The following C12orf56 variants were observed in gnomAD, a reference collection of about 807,000 sequenced individuals.
C12orf56 encodes uncharacterized protein C12orf56.
A neutral mutation model predicts 69.9 loss-of-function variants in C12orf56; 71 were observed. That is an observed-to-expected ratio of 1.02 (90% CI 0.84 to 1.24). The LOEUF is 1.24. Ranked by LOEUF, C12orf56 falls within the 50% of genes most tolerant of loss-of-function variation. C12orf56 has a pLI of 0.00. For missense variants in C12orf56, 732 were observed against 738.5 expected, an observed-to-expected ratio of 0.99 and a Z score of 0.10; for synonymous variants, 276 against 274.1, an observed-to-expected ratio of 1.01 and a Z score of -0.07.
intron 12 of C12orf56, among the ~76,000 whole-genome samples, chr12:64,268,159 A>T (rs1046705394): frequency 1.3e-5 from 2 of 152,224 alleles, no homozygotes; most frequent in Non-Finnish European, 2.9e-5. Flanking sequence ...TGTGAGTTGA[A>T]AACACTAGTT....
chr12:64,310,020 A>T (rs76819827), intron 5 of C12orf56, among the ~76,000 whole-genome samples: 61,018 of 149,586 alleles, frequency 0.41, 12,388 homozygotes, highest in African/African-American at 0.43. Context: ...TTTTTTTTTT[A>T]AATCTCTTTT....
intron 7 of C12orf56, 55 bp downstream of exon 7, chr12:64,285,899 T>C (rs2038193863): frequency 3.3e-6 from 4 of 1,194,306 alleles, no homozygotes; most frequent in Non-Finnish European, 3.5e-6. Context: ...CTTCCATTTA[T>C]CTTTAACACC....
intron 6 of C12orf56, among the ~76,000 whole-genome samples, chr12:64,302,823 G>A (rs1374826179): frequency 6.6e-6 from 1 of 152,106 alleles, no homozygotes; most frequent in Admixed American, 6.6e-5. Context: ...CTTACAGTAG[G>A]GGAAACTGCA....
At chr12:64,286,749 G>GT (rs1022575095) in intron 6 of C12orf56, among the ~76,000 whole-genome samples, 1 of 152,014 alleles carries the variant, frequency 6.6e-6, no homozygotes, top group African/African-American at 2.4e-5. Context: ...TCTATTGTTC[G>GT]TTTTTTCCCC....
chr12:64,377,070 T>C lies in C12orf56; in HGVS notation c.252+13244A>G, dbSNP rs933233169. 2.0e-5 allele frequency among the ~76,000 whole-genome samples: 3 copies of C among 152,302 alleles called. No individual in the cohort carries two copies. The East Asian group carries it at 5.8e-4, about 29-fold the overall frequency. On this transcript the variant is annotated intron_variant, in intron 1 of 12. Coordinates refer to ENST00000543942, the MANE Select transcript of C12orf56 (RefSeq NM_001170633.2). ...AATCACCATTCTAACTGGTGTGAGA[T>C]AGTATCTCACTTTCGTTTGGATTTG...
intron 8 of C12orf56, among the ~76,000 whole-genome samples, chr12:64,278,238 C>T (rs1245864076): frequency 6.6e-6 from 1 of 152,196 alleles, no homozygotes; most frequent in Non-Finnish European, 1.5e-5. Flanking sequence ...CAGGACTTCT[C>T]AGAGGCTTTA....
At chr12:64,320,158 C>A (rs561567121) in intron 3 of C12orf56, among the ~76,000 whole-genome samples, 1 of 152,220 alleles carries the variant, frequency 6.6e-6, no homozygotes, top group South Asian at 2.1e-4. Flanking sequence ...TACTGGGTTA[C>A]GCGGTTCTCT....
intron 1 of C12orf56, among the ~76,000 whole-genome samples, chr12:64,358,318 C>A (rs541178966): frequency 1.7e-4 from 26 of 151,306 alleles, no homozygotes; most frequent in Middle Eastern, 3.4e-3. Context: ...ATTAGCCAGG[C>A]GTGATGGCAT....
intron 2 of C12orf56, among the ~76,000 whole-genome samples, chr12:64,352,601 G>C (rs976668878): frequency 6.6e-6 from 1 of 152,184 alleles, no homozygotes; most frequent in Admixed American, 6.6e-5. Context: ...TTCGAGCCTT[G>C]TGCAGGAGGA....
chr12:64,317,558 G>A (rs539992316), intron 4 of C12orf56, among the ~76,000 whole-genome samples: 1 of 151,996 alleles, frequency 6.6e-6, no homozygotes, highest in Non-Finnish European at 1.5e-5. Context: ...TCGGGAGTTC[G>A]AGACCAGCCT....
intron 1 of C12orf56, among the ~76,000 whole-genome samples, chr12:64,383,016 C>T (rs1235203853): frequency 6.6e-6 from 1 of 151,484 alleles, no homozygotes; most frequent in African/African-American, 2.4e-5. Context: ...TATAGTTAAA[C>T]TTTGAAACTT....
In C12orf56 at chr12:64,275,361, A is replaced by T; in HGVS notation, c.1446T>A (p.Leu482=). 7.2e-7 allele frequency: 1 copy of T among 1,393,558 alleles called. No homozygotes were observed. The highest frequency in any genetic ancestry group is 9.5e-7 in the Non-Finnish European group (1 of 1,050,820). The allele number at this position is 1,393,558 out of a possible 1,614,324, so 86.3% of individuals were successfully genotyped here. A position where few individuals can be genotyped will look rare whatever the true frequency, so the allele number is the denominator to read the frequency against. ...RMSFDAELQK[L]ILEYTNTATA... ...TAGCAGTATTTGTATACTCCAGAAT[A>T]AGCTTCTGTAACTAGAATTTTCAAG... is the stretch of plus-strand genomic sequence containing the variant. Residue 482 remains leucine (L), a synonymous_variant, in exon 10 of 13, where the codon CTT becomes CTA. Coordinates refer to ENST00000543942, the MANE Select transcript of C12orf56 (RefSeq NM_001170633.2).
At chr12:64,277,100 T>TA (rs1469350046) in intron 9 of C12orf56, among the ~76,000 whole-genome samples, 1 of 151,406 alleles carries the variant, frequency 6.6e-6, no homozygotes, top group Non-Finnish European at 1.5e-5. Context: ...TTTCATCCTT[T>TA]AAAAAAAAGT....
At chr12:64,293,807 CA>C (rs1045968313) in intron 6 of C12orf56, among the ~76,000 whole-genome samples, 44 of 152,262 alleles carry the variant, frequency 2.9e-4, no homozygotes, top group African/African-American at 1.1e-3. Flanking sequence ...CTAAGAGAGG[CA>C]AAATGAATCT....
At chr12:64,333,467 CTCTT>C (rs1305089037) in intron 2 of C12orf56, among the ~76,000 whole-genome samples, 2 of 151,290 alleles carry the variant, frequency 1.3e-5, no homozygotes, top group African/African-American at 4.8e-5. Flanking sequence ...ACGTCCCTGC[CTCTT>C]TCTATGTTAG....
chr12:64,389,914 G>A (rs1462522357), intron 1 of C12orf56, among the ~76,000 whole-genome samples: 1 of 152,166 alleles, frequency 6.6e-6, no homozygotes, highest in Non-Finnish European at 1.5e-5. Flanking sequence ...TGGCTTTCTA[G>A]CCCTCCAGCG....
chr12:64,278,135 A>G (rs17100257), intron 8 of C12orf56, among the ~76,000 whole-genome samples: 2,874 of 152,266 alleles, frequency 0.019, 93 homozygotes, highest in African/African-American at 0.065. Context: ...TGGATTGCTA[A>G]TTCCAGACAA....
chr12:64,386,685 C>T (rs1458114921), intron 1 of C12orf56, among the ~76,000 whole-genome samples: 6 of 151,858 alleles, frequency 4.0e-5, no homozygotes, highest in African/African-American at 9.7e-5. Flanking sequence ...AGTGAGCCAC[C>T]GTACCTGGCC....
intron 8 of C12orf56, 108 bp downstream of exon 8, chr12:64,284,556 A>G (rs1029805051): frequency 1.6e-5 from 11 of 674,558 alleles, no homozygotes. Context: ...TATACTTGGA[A>G]GGGTGTTGAA....
Sources: allele counts gnomAD v4.1 joint callset (sites outside exome capture counted in the v4.1 genomes callset), GRCh38; gene constraint gnomAD v4.1.1; transcripts MANE v1.5; gene names NCBI Gene and HGNC (gene_info 2026-07-23, HGNC 2026-07-21).